TBC1D22A: variants seen among roughly 807,000 people sequenced by gnomAD.
The protein encoded by TBC1D22A is TBC1 domain family member 22A, also known as putative GTPase activator.
TBC1D22A carries 38 observed loss-of-function variants against 60.2 expected under a neutral mutation model. That is an observed-to-expected ratio of 0.63 (90% confidence interval 0.49 to 0.83). The LOEUF (loss-of-function observed/expected upper bound fraction) is 0.83, where lower values mean the gene tolerates loss of function less well. Among genes scored for constraint, TBC1D22A ranks in the 40% least tolerant of loss-of-function variants. The probability of loss-of-function intolerance (pLI) is 0.00; values close to 1 mark genes in which losing one functional copy is unlikely to be tolerated. For missense variants in TBC1D22A, 628 were observed against 701.0 expected (o/e 0.90, Z 1.18); for synonymous variants, 302 against 281.7 (o/e 1.07, Z -0.72).
At position 46,815,661 on chromosome 22, in the gene TBC1D22A, C is replaced by A. The variant is rs188073933; in HGVS notation, c.637+18041C>A. 2.0e-5 allele frequency among the ~76,000 whole-genome samples: 3 copies of A among 152,362 alleles called. No individual in the cohort carries two copies. In the East Asian group the frequency reaches 5.8e-4, roughly 29 times the overall value. ...TACTCGGAAAATGTTTCTTAAGCAT[C>A]TGCCTGGTGCTGGGCACTGACGATA... On this transcript the variant is annotated intron_variant, in intron 4 of 12. Coordinates refer to ENST00000337137, the MANE Select transcript of TBC1D22A (RefSeq NM_014346.5).
chr22:47,071,029 A>G (rs2063966866), intron 11 of TBC1D22A, among the ~76,000 whole-genome samples: 2 of 152,266 alleles, frequency 1.3e-5, no homozygotes, highest in African/African-American at 4.8e-5. Context: ...TGAACCTAAG[A>G]GTATAAACAT....
chr22:46,976,324 C>T (rs2074292716), intron 9 of TBC1D22A, among the ~76,000 whole-genome samples: 1 of 152,156 alleles, frequency 6.6e-6, no homozygotes, highest in Non-Finnish European at 1.5e-5. Flanking sequence ...CATCACCGTC[C>T]CGTGGCAGCC....
intron 4 of TBC1D22A, among the ~76,000 whole-genome samples, chr22:46,798,865 T>C (rs901889846): frequency 6.6e-6 from 1 of 152,178 alleles, no homozygotes; most frequent in Non-Finnish European, 1.5e-5. Flanking sequence ...CAGCCGGGCC[T>C]TCACGCTCAA....
intron 12 of TBC1D22A, among the ~76,000 whole-genome samples, chr22:47,133,192 TC>T (rs1223500495): frequency 2.0e-5 from 3 of 152,262 alleles, no homozygotes; most frequent in Non-Finnish European, 4.4e-5. Flanking sequence ...TCTCAGCGGT[TC>T]CCAAGTGTGC....
At chr22:46,816,684 G>C (rs2085615753) in intron 4 of TBC1D22A, among the ~76,000 whole-genome samples, 1 of 151,890 alleles carries the variant, frequency 6.6e-6, no homozygotes, top group Non-Finnish European at 1.5e-5. Flanking sequence ...TCTTTTTTGG[G>C]CTTTTCAGAG....
At chr22:46,817,260 C>CTTTTT (rs139583) in intron 4 of TBC1D22A, among the ~76,000 whole-genome samples, 1 of 148,324 alleles carries the variant, frequency 6.7e-6, no homozygotes, top group Non-Finnish European at 1.5e-5. Flanking sequence ...CTAGGTTGTC[C>CTTTTT]TTTTTTTTTT....
At chr22:47,125,481 G>C (rs2066421358) in intron 12 of TBC1D22A, among the ~76,000 whole-genome samples, 1 of 152,210 alleles carries the variant, frequency 6.6e-6, no homozygotes, top group East Asian at 1.9e-4. Context: ...CCCTCATTAT[G>C]ATAATGCAGT....
chr22:46,910,598 G>A (rs1241275386), intron 7 of TBC1D22A, among the ~76,000 whole-genome samples: 3 of 152,162 alleles, frequency 2.0e-5, no homozygotes, highest in African/African-American at 4.8e-5. Context: ...CAGGCAGCCC[G>A]AAGGTCAGGC....
At chr22:46,877,061 G>C (rs930041317) in intron 4 of TBC1D22A, among the ~76,000 whole-genome samples, 1 of 152,186 alleles carries the variant, frequency 6.6e-6, no homozygotes, top group Admixed American at 6.5e-5. Context: ...TCAGAAGTGA[G>C]ATTTGTCTGT....
At chr22:47,071,658 T>A (rs907443045) in intron 11 of TBC1D22A, among the ~76,000 whole-genome samples, 1 of 152,236 alleles carries the variant, frequency 6.6e-6, no homozygotes, top group African/African-American at 2.4e-5. Flanking sequence ...CCATTAATCA[T>A]CCTCTGGTTT....
chr22:47,069,541 T>C (rs2147499921), intron 11 of TBC1D22A, among the ~76,000 whole-genome samples: 1 of 152,364 alleles, frequency 6.6e-6, no homozygotes, highest in South Asian at 2.1e-4. Context: ...TGCATGTCTC[T>C]GTCCTTGCTG....
At position 46,912,191 on chromosome 22, in the gene TBC1D22A, A is replaced by G. The variant is rs1168611930; in HGVS notation, c.1015+3A>G. 1 of 1,606,756 alleles carries G rather than the reference A, an allele frequency of 6.2e-7. No homozygotes were observed. Among genetic ancestry groups the G allele is most frequent in the South Asian group, 1.1e-5 (1 of 90,400 alleles). On this transcript the variant is annotated splice_donor_region_variant and intron_variant, in intron 8 of 12. Transcript: ENST00000337137. ...GGTCTTCATTTGTGAATACATAGGT[A>G]AGATTTCTTGCAAACATTAAACGTG...
chr22:47,028,562 C>T lies in TBC1D22A; in HGVS notation c.1202-8509C>T, dbSNP rs565044935. Among the ~76,000 whole-genome samples, 11 of 152,082 alleles carry T rather than the reference C, an allele frequency of 7.2e-5. No homozygotes were observed. In the East Asian group the frequency reaches 7.7e-4, roughly 11 times the overall value. On this transcript the variant is annotated intron_variant, in intron 10 of 12. Coordinates refer to ENST00000337137, the MANE Select transcript of TBC1D22A (RefSeq NM_014346.5). This position sits in a 1 kb window ranked among gnomAD's most constrained non-coding sequence, Gnocchi z 4.4. ...AGTGAGTGGTCGCGTTCCTGTCCCT[C>T]GGTCCCTGTCCCCCACGGCCCAGGA...
At chr22:46,977,321 T>C (rs2074337997) in intron 9 of TBC1D22A, among the ~76,000 whole-genome samples, 2 of 152,128 alleles carry the variant, frequency 1.3e-5, no homozygotes, top group Non-Finnish European at 2.9e-5. Context: ...CAGTAATTAG[T>C]TAACTTTGTC....
chr22:46,945,464 CT>C (rs1419579299), intron 8 of TBC1D22A, among the ~76,000 whole-genome samples: 2 of 152,208 alleles, frequency 1.3e-5, no homozygotes, highest in Non-Finnish European at 2.9e-5. Flanking sequence ...GTTATCACCC[CT>C]GTTTTACAAG....
chr22:46,865,698 G>A (rs1357033532), intron 4 of TBC1D22A, among the ~76,000 whole-genome samples: 2 of 152,216 alleles, frequency 1.3e-5, no homozygotes, highest in Non-Finnish European at 2.9e-5. Flanking sequence ...AAGACCACAC[G>A]TGTGCGTTGG....
chr22:46,878,785 G>A (rs1191669667), intron 5 of TBC1D22A, 62 bp downstream of exon 5: 1 of 1,530,062 alleles, frequency 6.5e-7, no homozygotes, highest in Non-Finnish European at 9.0e-7. Flanking sequence ...GCAGGCGTCT[G>A]GCCTGAGTAG....
intron 7 of TBC1D22A, among the ~76,000 whole-genome samples, chr22:46,900,869 A>AT (rs1256500714): frequency 6.6e-6 from 1 of 152,156 alleles, no homozygotes; most frequent in African/African-American, 2.4e-5. Flanking sequence ...TACTAATCTT[A>AT]TTGGGGAAAG....
chr22:46,793,495 T>C lies in TBC1D22A; in HGVS notation c.120-6T>C. On this transcript the variant is annotated splice_region_variant and splice_polypyrimidine_tract_variant and intron_variant, in intron 2 of 12. Coordinates refer to ENST00000337137, the MANE Select transcript of TBC1D22A (RefSeq NM_014346.5). ...TGTACGAGTAAAGACTGCCTTTGCATTGCAGTTTGCTCAGGTCCACGGCCA... is the reference window on the plus strand; with the variant it reads ...TGTACGAGTAAAGACTGCCTTTGCACTGCAGTTTGCTCAGGTCCACGGCCA... 2 of 1,613,888 alleles carry C rather than the reference T, an allele frequency of 1.2e-6. No individual in the cohort carries two copies. Among genetic ancestry groups the C allele is most frequent in the Non-Finnish European group, 1.7e-6 (2 of 1,179,790 alleles).
Sources: gnomAD v4.1 joint callset for allele counts (sites outside exome capture counted in the v4.1 genomes callset) on GRCh38, gnomAD v4.1.1 for gene constraint, Gnocchi (gnomAD v3.1) non-coding constraint, MANE v1.5 for transcripts, NCBI Gene and HGNC (gene_info 2026-07-23, HGNC 2026-07-21) for gene names.